Variants in G2E3 observed in about 807,000 individuals in gnomAD.
The protein encoded by G2E3 is G2/M phase-specific E3 ubiquitin-protein ligase.
A neutral mutation model predicts 92.8 loss-of-function variants in G2E3; 35 were observed. That is an observed-to-expected ratio of 0.38 (90% CI 0.29 to 0.50). G2E3 has a LOEUF of 0.50. Ranked by LOEUF, G2E3 falls within the 20% of genes least tolerant of loss-of-function variation. The probability of loss-of-function intolerance (pLI) is 0.94; values close to 1 mark genes in which losing one functional copy is unlikely to be tolerated. For missense variants in G2E3, 554 were observed against 823.8 expected, an observed-to-expected ratio of 0.67 and a Z score of 4.01; for synonymous variants, 242 against 272.4, an observed-to-expected ratio of 0.89 and a Z score of 1.10.
intron 8 of G2E3, among the ~76,000 whole-genome samples, chr14:30,599,654 C>T (rs1881467811): frequency 6.6e-6 from 1 of 152,006 alleles, no homozygotes; most frequent in Non-Finnish European, 1.5e-5. Flanking sequence ...TATTTTAATA[C>T]GACTTAAAGA....
At chr14:30,589,288 CTG>C (rs1880880422) in intron 3 of G2E3, 93 bp from the exon 4 acceptor site, 1 of 691,694 alleles carries the variant, frequency 1.4e-6, no homozygotes, top group African/African-American at 1.8e-5. Context: ...CATTTTATGT[CTG>C]TTTTTTATTA....
chr14:30,591,469 C>G (rs943048447), intron 4 of G2E3, among the ~76,000 whole-genome samples: 3 of 152,180 alleles, frequency 2.0e-5, no homozygotes, highest in African/African-American at 7.2e-5. Context: ...AATTTATTCT[C>G]TCACCATTCT....
intron 1 of G2E3, among the ~76,000 whole-genome samples, chr14:30,566,959 C>A (rs1313438811): frequency 6.6e-6 from 1 of 152,008 alleles, no homozygotes; most frequent in African/African-American, 2.4e-5. Context: ...TTTCCTTTTT[C>A]TCTATTAGTA....
intron 11 of G2E3, among the ~76,000 whole-genome samples, chr14:30,606,907 G>T (rs1248029209): frequency 6.6e-6 from 1 of 152,100 alleles, no homozygotes; most frequent in African/African-American, 2.4e-5. Flanking sequence ...GAGTAAACTT[G>T]TGCCTTTGGG....
At chr14:30,601,570 G>T (rs1566546129) in intron 8 of G2E3, among the ~76,000 whole-genome samples, 200 bp from the exon 9 acceptor site, 1 of 152,130 alleles carries the variant, frequency 6.6e-6, no homozygotes, top group Non-Finnish European at 1.5e-5. Flanking sequence ...CTTTGTATGT[G>T]CATATGAGTG....
At chr14:30,601,654 C>T (rs534019410) in intron 8 of G2E3, 116 bp from the exon 9 acceptor site, 15 of 912,918 alleles carry the variant, frequency 1.6e-5, no homozygotes, top group Middle Eastern at 3.2e-4. Context: ...TTTAGTAAAT[C>T]GATTGGGCGG....
chr14:30,585,472 T>C (rs1229169825), intron 2 of G2E3, among the ~76,000 whole-genome samples: 2 of 152,134 alleles, frequency 1.3e-5, no homozygotes, highest in Non-Finnish European at 2.9e-5. Flanking sequence ...ACCATAGATG[T>C]ATATATTTAT....
intron 2 of G2E3, among the ~76,000 whole-genome samples, chr14:30,582,430 G>A (rs1440277074): frequency 1.3e-5 from 2 of 152,084 alleles, no homozygotes; most frequent in African/African-American, 4.8e-5. Context: ...TCCATACTGG[G>A]TAGAGGGAGA....
At chr14:30,588,665 C>T (rs1160689849) in intron 3 of G2E3, among the ~76,000 whole-genome samples, 1 of 152,042 alleles carries the variant, frequency 6.6e-6, no homozygotes, top group Non-Finnish European at 1.5e-5. Context: ...TAGTCTAATC[C>T]AGTGTTTTTA....
intron 3 of G2E3, among the ~76,000 whole-genome samples, chr14:30,588,603 T>C (rs536205261): frequency 1.3e-5 from 2 of 152,286 alleles, no homozygotes; most frequent in African/African-American, 2.4e-5. Flanking sequence ...CAGAAAAGTA[T>C]AGTGATGTTA....
intron 10 of G2E3, among the ~76,000 whole-genome samples, chr14:30,604,936 G>C (rs1045563226): frequency 6.6e-6 from 1 of 151,944 alleles, no homozygotes; most frequent in African/African-American, 2.4e-5. Flanking sequence ...CGCTCTTGTT[G>C]CCCAGGCTGG....
intron 6 of G2E3, among the ~76,000 whole-genome samples, chr14:30,596,137 T>TGC (rs1341974573): frequency 4.3e-5 from 3 of 69,680 alleles, no homozygotes; most frequent in Admixed American, 1.7e-4. Flanking sequence ...TGGGTGTGCG[T>TGC]GTGTGTGTGT....
chr14:30,584,917 C>T (rs1287523035), intron 2 of G2E3, among the ~76,000 whole-genome samples: 1 of 150,450 alleles, frequency 6.6e-6, no homozygotes, highest in African/African-American at 2.5e-5. Flanking sequence ...CTGCAACCTC[C>T]ACCTCCCAGG....
intron 10 of G2E3, among the ~76,000 whole-genome samples, chr14:30,605,013 C>T (rs1030039730): frequency 1.3e-5 from 2 of 152,190 alleles, no homozygotes; most frequent in African/African-American, 4.8e-5. Context: ...TCTCCTGCCT[C>T]AGCCTCCTGA....
At chr14:30,613,931 T>C (rs1375829575) in intron 13 of G2E3, among the ~76,000 whole-genome samples, 2 of 152,100 alleles carry the variant, frequency 1.3e-5, no homozygotes, top group Admixed American at 1.3e-4. Flanking sequence ...CATTATCAAA[T>C]TGTTGTGCTT....
intron 2 of G2E3, among the ~76,000 whole-genome samples, chr14:30,583,905 A>G (rs1299001966): frequency 6.6e-6 from 1 of 152,196 alleles, no homozygotes; most frequent in Non-Finnish European, 1.5e-5. Context: ...TGAGATATAC[A>G]GTTTGGTGGC....
intron 1 of G2E3, chr14:30,577,991 G>T (rs1332114986): frequency 6.6e-6 from 1 of 152,072 alleles, no homozygotes; most frequent in African/African-American, 2.4e-5. Context: ...TATACACTTA[G>T]ATATTATTTT....
intron 2 of G2E3, among the ~76,000 whole-genome samples, chr14:30,582,728 TC>T (rs1319543317): frequency 6.6e-6 from 1 of 152,200 alleles, no homozygotes; most frequent in Non-Finnish European, 1.5e-5. Context: ...TGTGAACAGT[TC>T]CCTTGTATGG....
At chr14:30,602,800 G>A (rs1040712330) in intron 10 of G2E3, 1 of 151,932 alleles carries the variant, frequency 6.6e-6, no homozygotes, top group Non-Finnish European at 1.5e-5. Context: ...TTGTAGAGAT[G>A]GACATCTTGC....
Sources: gnomAD v4.1 joint callset for allele counts (sites outside exome capture counted in the v4.1 genomes callset) on GRCh38, gnomAD v4.1.1 for gene constraint, MANE v1.5 for transcripts, NCBI Gene and HGNC (gene_info 2026-07-23, HGNC 2026-07-21) for gene names.